ATRN: variants seen among roughly 807,000 people sequenced by gnomAD.
ATRN encodes the protein attractin.
ATRN carries 54 observed loss-of-function variants against 178.7 expected under a neutral mutation model. The observed-to-expected ratio is 0.30, with a 90% CI of 0.24 to 0.38. The LOEUF (loss-of-function observed/expected upper bound fraction) is 0.38, where lower values mean the gene tolerates loss of function less well. Ranked by LOEUF, ATRN falls within the 10% of genes least tolerant of loss-of-function variation. ATRN has a pLI of 1.00. For missense variants in ATRN, 1,443 were observed against 1,815.1 expected (o/e 0.79, Z 3.73); for synonymous variants, 636 against 663.0 (o/e 0.96, Z 0.63).
intron 1 of ATRN, among the ~76,000 whole-genome samples, chr20:3,519,281 A>G (rs746461512): frequency 2.6e-5 from 4 of 152,170 alleles, no homozygotes; most frequent in East Asian, 1.9e-4. Flanking sequence ...GAAGATTCCT[A>G]TAGGTTAACA....
At chr20:3,561,859 C>G (rs184696457) in intron 8 of ATRN, among the ~76,000 whole-genome samples, 1 of 152,260 alleles carries the variant, frequency 6.6e-6, no homozygotes, top group African/African-American at 2.4e-5. Flanking sequence ...TCCCTAGTAG[C>G]TGGGACTACA....
At chr20:3,604,355 A>G in intron 24 of ATRN, 93 bp downstream of exon 24, 1 of 1,386,156 alleles carries the variant, frequency 7.2e-7, no homozygotes, top group Non-Finnish European at 9.7e-7. Flanking sequence ...GGTAAATGAG[A>G]TGTGCAATGT....
chr20:3,572,889 C>T lies in ATRN; in HGVS notation c.2030C>T (p.Ser677Leu), dbSNP rs760075251. 35 of 1,613,710 alleles carry T rather than the reference C, an allele frequency of 2.2e-5. No individual in the cohort carries two copies. Among genetic ancestry groups the T allele is most frequent in the Middle Eastern group, 1.6e-4 (1 of 6,084 alleles). Residue 677 changes from serine (S) to leucine (L), a missense_variant, in exon 12 of 29, where the codon TCG (serine) becomes TTG (leucine). Ser to Leu is a moderately radical substitution (Grantham distance 145). This residue lies in a region of ATRN where 862 missense variants were observed against 972.1 expected (regional missense o/e 0.89). Coordinates refer to ENST00000262919, the MANE Select transcript of ATRN (RefSeq NM_139321.3). ...AACACAGGGTCGTCTCAGTGTATCT[C>T]GTGGGCGCTGGCAACTGATGAACAA... ...VWNTGSSQCISWALATDEQEE... is the reference protein window; with the variant it reads ...VWNTGSSQCILWALATDEQEE...
chr20:3,520,769 T>TTA (rs2085283676), intron 1 of ATRN, among the ~76,000 whole-genome samples: 1 of 152,180 alleles, frequency 6.6e-6, no homozygotes, highest in South Asian at 2.1e-4. Flanking sequence ...AGTGCTGCGA[T>TTA]TACAGGCATG....
chr20:3,512,107 A>ATATATATATATAT, intron 1 of ATRN, among the ~76,000 whole-genome samples: 1 of 106,392 alleles, frequency 9.4e-6, no homozygotes, highest in Non-Finnish European at 1.8e-5. Flanking sequence ...ATATATATAT[A>ATATATATATATAT]TTTTTTTTTT....
chr20:3,555,738 C>G (rs1398788317), intron 6 of ATRN, among the ~76,000 whole-genome samples: 1 of 152,164 alleles, frequency 6.6e-6, no homozygotes, highest in Admixed American at 6.5e-5. Flanking sequence ...ACAGTGGGAA[C>G]AGAATTGAGA....
chr20:3,584,884 A>G lies in ATRN; in HGVS notation c.3184+4A>G, dbSNP rs1246693200. 1 of 1,612,826 alleles carries G rather than the reference A, an allele frequency of 6.2e-7. No homozygotes were observed. Among genetic ancestry groups the G allele is most frequent in the Non-Finnish European group, 8.5e-7 (1 of 1,178,800 alleles). ...TGGTCTTTCATTCACTGTCCAGGTA[A>G]GATGCCTTGCATATCCAAATTCAAG... On this transcript the variant is annotated splice_donor_region_variant and intron_variant, in intron 18 of 28. Coordinates refer to ENST00000262919, the MANE Select transcript of ATRN (RefSeq NM_139321.3).
In ATRN at chr20:3,562,347, T is replaced by G; in HGVS notation, c.1519T>G (p.Tyr507Asp). Reference sequence around the variant, plus strand: ...AGGGGGTTACGGCCATAGCAGTGTTTACGACCATAGGACCAGGGCCCTATA... The same window carrying G: ...AGGGGGTTACGGCCATAGCAGTGTTGACGACCATAGGACCAGGGCCCTATA... ...VQGGYGHSSV[Y>D]DHRTRALYVH... The change falls in exon 9 of 29, where the codon TAC becomes GAC. Residue 507 changes from tyrosine to aspartate, a missense_variant. Around this residue, in one of 4 missense-constraint regions of ATRN, gnomAD observed 862 missense variants for 972.1 expected, o/e 0.89. Coordinates refer to ENST00000262919, the MANE Select transcript of ATRN (RefSeq NM_139321.3). 1 of 1,614,164 alleles carries G rather than the reference T, an allele frequency of 6.2e-7. No homozygotes were observed.
intron 1 of ATRN, among the ~76,000 whole-genome samples, chr20:3,497,748 G>A (rs1248996442): frequency 6.6e-6 from 1 of 152,128 alleles, no homozygotes; most frequent in African/African-American, 2.4e-5. Context: ...ATAATATCCT[G>A]CAGAGTGTTT....
chr20:3,541,691 A>G (rs1438101418), intron 3 of ATRN, among the ~76,000 whole-genome samples: 1 of 152,224 alleles, frequency 6.6e-6, no homozygotes, highest in Non-Finnish European at 1.5e-5. Flanking sequence ...CCTCTGTCAT[A>G]TATGTGGTCC....
chr20:3,556,570 G>T (rs1418530461), intron 6 of ATRN, among the ~76,000 whole-genome samples: 8 of 152,154 alleles, frequency 5.3e-5, no homozygotes, highest in Admixed American at 1.3e-4. Context: ...GTCGAGGGAG[G>T]TGCTGTCACT....
chr20:3,589,545 TC>T (rs774632949), intron 18 of ATRN, among the ~76,000 whole-genome samples: 34 of 152,228 alleles, frequency 2.2e-4, no homozygotes, highest in Non-Finnish European at 3.8e-4. Context: ...CATTAACCCT[TC>T]CTTCAGGATT....
intron 1 of ATRN, among the ~76,000 whole-genome samples, chr20:3,475,764 C>A (rs2084519306): frequency 6.6e-6 from 1 of 151,976 alleles, no homozygotes; most frequent in African/African-American, 2.4e-5. Context: ...TGGATTGAGC[C>A]TGATAATGTT....
rs1452856796 is a variant in ATRN, at chr20:3,649,365, A to G, written c.*2518A>G. The G allele has an allele frequency of 6.6e-6, 1 of 152,622 alleles. No individual in the cohort carries two copies. Among genetic ancestry groups the G allele is most frequent in the East Asian group, 1.9e-4 (1 of 5,196 alleles). The allele number at this position is 152,622 out of a possible 1,614,324, so 9.5% of individuals were successfully genotyped here. On this transcript the variant is annotated 3_prime_UTR_variant, in exon 29 of 29. Coordinates refer to ENST00000262919, the MANE Select transcript of ATRN (RefSeq NM_139321.3). The stretch of plus-strand genomic sequence containing the variant: ...TCGGAGTGTACATAAAACAGAAAAA[A>G]TCTTCATGTATTTTTATTAAATATA...
intron 27 of ATRN, among the ~76,000 whole-genome samples, chr20:3,639,346 G>A (rs370129753): frequency 1.4e-3 from 214 of 152,112 alleles, no homozygotes; most frequent in East Asian, 6.4e-3. Context: ...TCTACCTCCC[G>A]GGTTCAAGCG....
At chr20:3,633,486 T>G (rs908018632) in intron 25 of ATRN, among the ~76,000 whole-genome samples, 6 of 152,324 alleles carry the variant, frequency 3.9e-5, no homozygotes, top group Middle Eastern at 6.8e-3. Context: ...GAGAGTACCT[T>G]GATGACACTG....
chr20:3,560,648 C>A lies in ATRN; in HGVS notation c.1204-14C>A. On this transcript the variant is annotated splice_polypyrimidine_tract_variant and intron_variant, in intron 7 of 28. Coordinates refer to ENST00000262919, the MANE Select transcript of ATRN (RefSeq NM_139321.3). ...TCAATGTTTTTAAAAATTTTGTTTG[C>A]ATTTTTTTCCTAGGATAAAATTTAC... 6.3e-7 allele frequency: 1 copy of A among 1,589,524 alleles called. No homozygotes were observed. The highest frequency in any genetic ancestry group is 8.6e-7 in the Non-Finnish European group (1 of 1,161,060).
intron 18 of ATRN, among the ~76,000 whole-genome samples, chr20:3,587,990 G>T (rs896250564): frequency 6.6e-6 from 1 of 152,110 alleles, no homozygotes; most frequent in South Asian, 2.1e-4. Context: ...GGTACTACAG[G>T]CATGAGCTAC....
At position 3,517,232 on chromosome 20, in the gene ATRN, A is replaced by G. The variant is rs530624017; in HGVS notation, c.411-18021A>G. On this transcript the variant is annotated intron_variant, in intron 1 of 28. Coordinates refer to ENST00000262919, the MANE Select transcript of ATRN (RefSeq NM_139321.3). ...AGTTATGCCATAGAAAAAGATTAATAGCACGAGAAAAGGCTAATTATTAGG... is the reference window on the plus strand; with the variant it reads ...AGTTATGCCATAGAAAAAGATTAATGGCACGAGAAAAGGCTAATTATTAGG... Among the ~76,000 whole-genome samples, 3 of 152,344 alleles carry G rather than the reference A, an allele frequency of 2.0e-5. No homozygotes were observed. The East Asian group carries it at 5.8e-4, about 29-fold the overall frequency.
Sources: gnomAD v4.1 joint callset for allele counts (sites outside exome capture counted in the v4.1 genomes callset) on GRCh38, gnomAD v4.1.1 for gene constraint, gnomAD v4.1.1 regional missense constraint, MANE v1.5 for transcripts, NCBI Gene and HGNC (gene_info 2026-07-23, HGNC 2026-07-21) for gene names.